The following SIN3B variants were observed in gnomAD, a reference collection of about 807,000 sequenced individuals.
The protein encoded by SIN3B is SIN3 transcription regulator family member B.
SIN3B carries 19 observed loss-of-function variants against 120.2 expected under a neutral mutation model. That is an observed-to-expected ratio of 0.16 (90% CI 0.11 to 0.23). The LOEUF is 0.23. Among genes scored for constraint, SIN3B ranks in the 10% least tolerant of loss-of-function variants. SIN3B has a pLI of 1.00. For synonymous variants in SIN3B, 654 were observed against 653.2 expected (o/e 1.00, Z -0.02); for missense variants, 1,073 against 1,573.0 (o/e 0.68, Z 5.38).
chr19:16,863,043 TCA>T, intron 9 of SIN3B: 1 of 1,210,274 alleles, frequency 8.3e-7, no homozygotes, highest in Non-Finnish European at 1.2e-6. Flanking sequence ...AGTTTTACTG[TCA>T]CACAGACACA....
rs766655246 is a variant in SIN3B, at chr19:16,869,495, C to G, written c.1842C>G (p.Pro614=). 9 of 1,612,722 alleles carry G rather than the reference C, an allele frequency of 5.6e-6. No homozygotes were observed. Among genetic ancestry groups the G allele is most frequent in the Non-Finnish European group, 5.1e-6 (6 of 1,179,348 alleles). The change falls in exon 13 of 19, where the codon CCC becomes CCG. Residue 614 remains proline (P), a synonymous_variant. Transcript: ENST00000248054. The part of the protein sequence containing the change: ...QEQHSEGRSA[P]SSEPHLIFVY... ...AGCACTCGGAGGGCCGCAGTGCCCC[C>G]TCTAGCGAGCCGCACCTCATCTTTG... is the stretch of plus-strand genomic sequence containing the variant.
chr19:16,865,330 G>T, intron 10 of SIN3B, 80 bp from the exon 11 acceptor site: 5 of 743,852 alleles, frequency 6.7e-6, no homozygotes, highest in Non-Finnish European at 6.4e-6. Context: ...AAAATCCTCT[G>T]GTCTCTGAGG....
chr19:16,829,428 A>T lies in SIN3B; in HGVS notation c.8A>T (p.His3Leu). The T allele has an allele frequency of 1.7e-6, 2 of 1,206,076 alleles. No homozygotes were observed. Among genetic ancestry groups the T allele is most frequent in the Non-Finnish European group, 2.1e-6 (2 of 971,344 alleles). 74.7% of individuals were successfully genotyped at this position (1,206,076 alleles called of 1,614,324 possible). MAHAGGGSGGSGA... is the reference protein window; with the variant it reads MALAGGGSGGSGA... ...GCAGCTCCGACTTCGGACATGGCGCACGCTGGCGGTGGCAGCGGTGGCAGC... is the reference window on the plus strand; with the variant it reads ...GCAGCTCCGACTTCGGACATGGCGCTCGCTGGCGGTGGCAGCGGTGGCAGC... Residue 3 changes from histidine to leucine, a missense_variant, in exon 1 of 19, where the codon CAC (histidine) becomes CTC (leucine). This residue lies in a region of SIN3B where 395 missense variants were observed against 528.0 expected (regional missense o/e 0.75). Transcript: ENST00000248054.
At chr19:16,856,246 G>A (rs966359910) in intron 8 of SIN3B, among the ~76,000 whole-genome samples, 9 of 152,214 alleles carry the variant, frequency 5.9e-5, no homozygotes, top group Middle Eastern at 3.4e-3. Context: ...GAGTGTGCGC[G>A]GTAGGAGTAG....
Position 16,876,666 on chromosome 19 carries a change from G to A in SIN3B, c.2859+88G>A, listed in dbSNP as rs1436331615. The A allele has an allele frequency of 3.1e-5, 33 of 1,050,448 alleles. No individual in the cohort carries two copies. In the Middle Eastern group the frequency reaches 1.5e-3, roughly 47 times the overall value. 65.1% of individuals were successfully genotyped at this position (1,050,448 alleles called of 1,614,324 possible). On this transcript the variant is annotated intron_variant, in intron 16 of 18. Transcript: ENST00000248054. The surrounding 1 kb of genome is among the most constrained non-coding windows in gnomAD (Gnocchi z 7.1). ...GGCTCCCACCAGCCAAGCGCAGGCC[G>A]CGCAGCATCCAGAGACCCTCCCTCT...
chr19:16,867,975 C>G (rs146182017), intron 12 of SIN3B, among the ~76,000 whole-genome samples: 112 of 152,318 alleles, frequency 7.4e-4, no homozygotes, highest in Non-Finnish European at 1.2e-3. Flanking sequence ...TCCTGGATCC[C>G]TCCCTGGGGC....
At position 16,851,796 on chromosome 19, in the gene SIN3B, G is replaced by A. The variant is rs951197379; in HGVS notation, c.849+262G>A. ...ACCCTGCCCTAGGTCCCAAGAAACA[G>A]GGTGTACCACCCAGTCTCCTTTTCA... On this transcript the variant is annotated intron_variant, in intron 6 of 18. Coordinates refer to ENST00000248054, the MANE Select transcript of SIN3B (RefSeq NM_001297595.2). Among the ~76,000 whole-genome samples the A allele has an allele frequency of 6.6e-5, 10 of 152,216 alleles. No homozygotes were observed. In the East Asian group the frequency reaches 1.9e-3, roughly 29 times the overall value.
chr19:16,862,253 T>C lies in SIN3B; in HGVS notation c.1059-99T>C. ...TCCATGATGTTGAATTCTGACTCTG[T>C]TTAACTTGTAATGTCCACATGAAGC... is the stretch of plus-strand genomic sequence containing the variant. On this transcript the variant is annotated intron_variant, in intron 8 of 18. Coordinates refer to ENST00000248054, the MANE Select transcript of SIN3B (RefSeq NM_001297595.2). The surrounding 1 kb of genome is among the most constrained non-coding windows in gnomAD (Gnocchi z 4.7). 1.1e-6 allele frequency: 1 copy of C among 913,984 alleles called. No individual in the cohort carries two copies. The highest frequency in any genetic ancestry group is 1.7e-6 in the Non-Finnish European group (1 of 587,368). 56.6% of individuals were successfully genotyped at this position (913,984 alleles called of 1,614,324 possible). A position where few individuals can be genotyped will look rare whatever the true frequency, so the allele number is the denominator to read the frequency against.
rs759610962 is a variant in SIN3B at position 16,841,908 on chromosome 19, C to T, written c.522C>T (p.Thr174=). 1 of 1,614,054 alleles carries T rather than the reference C, an allele frequency of 6.2e-7. No homozygotes were observed. The highest frequency in any genetic ancestry group is 2.2e-5 in the East Asian group (1 of 44,878). The change falls in exon 4 of 19, where the codon ACC becomes ACT. Residue 174 remains threonine (T), a synonymous_variant. Transcript: ENST00000248054. Reference sequence around the variant, plus strand: ...TCAGCTATGTGAATAAGATTAAAACCCGCTTCCTAGACCACCCAGAAATCT... The same window carrying T: ...TCAGCTATGTGAATAAGATTAAAACTCGCTTCCTAGACCACCCAGAAATCT... ...NAISYVNKIK[T]RFLDHPEIYR...
chr19:16,851,032 C>T (rs1026975714), intron 5 of SIN3B, among the ~76,000 whole-genome samples: 1 of 152,242 alleles, frequency 6.6e-6, no homozygotes, highest in Non-Finnish European at 1.5e-5. Flanking sequence ...TTTCTCTGTC[C>T]ACTGCACCTT....
intron 8 of SIN3B, among the ~76,000 whole-genome samples, chr19:16,859,155 AAAAT>A (rs901429991): frequency 6.6e-6 from 1 of 152,086 alleles, no homozygotes; most frequent in Non-Finnish European, 1.5e-5. Flanking sequence ...GTCTCAAAAA[AAAAT>A]AAGGAAGCTG....
intron 13 of SIN3B, among the ~76,000 whole-genome samples, chr19:16,870,639 G>A (rs954809240): frequency 1.3e-5 from 2 of 151,812 alleles, no homozygotes; most frequent in East Asian, 1.9e-4. Flanking sequence ...TGCAGCCTCC[G>A]CCTCCCAGGT....
chr19:16,843,377 C>G (rs1249314558), intron 4 of SIN3B, among the ~76,000 whole-genome samples: 1 of 152,208 alleles, frequency 6.6e-6, no homozygotes, highest in Non-Finnish European at 1.5e-5. Flanking sequence ...AATTTGTGTT[C>G]TGGGAACTCC....
chr19:16,838,963 C>T (rs554859046), intron 3 of SIN3B, among the ~76,000 whole-genome samples: 51 of 130,378 alleles, frequency 3.9e-4, no homozygotes, highest in South Asian at 3.1e-3. Context: ...CCAGCCACCG[C>T]GCCTGGCTTT....
At chr19:16,839,665 C>T (rs1055673413) in intron 3 of SIN3B, among the ~76,000 whole-genome samples, 1 of 152,112 alleles carries the variant, frequency 6.6e-6, no homozygotes. Flanking sequence ...GAGAAACAGA[C>T]GCAGCCCCCT....
In SIN3B at chr19:16,878,728, C is replaced by T. The variant is rs767840527; in HGVS notation, c.*1C>T. On this transcript the variant is annotated 3_prime_UTR_variant, in exon 19 of 19. Coordinates refer to ENST00000248054, the MANE Select transcript of SIN3B (RefSeq NM_001297595.2). ...CAGCCGCCGCCCGGCCTCGCCCTGACCCGCCCTCATGGGCACCGGGCAGGC... is the reference window on the plus strand; with the variant it reads ...CAGCCGCCGCCCGGCCTCGCCCTGATCCGCCCTCATGGGCACCGGGCAGGC... 53 of 1,594,134 alleles carry T rather than the reference C, an allele frequency of 3.3e-5. No homozygotes were observed. The highest frequency in any genetic ancestry group is 1.5e-4 in the Admixed American group (9 of 58,192).
chr19:16,857,514 AAT>A (rs1491091073), intron 8 of SIN3B, among the ~76,000 whole-genome samples: 15 of 68,556 alleles, frequency 2.2e-4, no homozygotes, highest in South Asian at 1.5e-3. Flanking sequence ...ACTTAAAAAA[AAT>A]ATGTGTGTGT....
chr19:16,854,527 T>C (rs1461645645), intron 8 of SIN3B: 2 of 379,636 alleles, frequency 5.3e-6, no homozygotes, highest in African/African-American at 2.1e-5. Flanking sequence ...TAATGCCTTT[T>C]CATTTAACAC....
intron 2 of SIN3B, among the ~76,000 whole-genome samples, chr19:16,830,293 C>A (rs1365111892): frequency 6.6e-6 from 1 of 152,140 alleles, no homozygotes; most frequent in African/African-American, 2.4e-5. Flanking sequence ...ATTTTTGGCA[C>A]CCTCTTCCCC....
Sources: gnomAD v4.1 joint callset for allele counts (sites outside exome capture counted in the v4.1 genomes callset) on GRCh38, gnomAD v4.1.1 for gene constraint, gnomAD v4.1.1 regional missense constraint, Gnocchi (gnomAD v3.1) non-coding constraint, MANE v1.5 for transcripts, NCBI Gene and HGNC (gene_info 2026-07-23, HGNC 2026-07-21) for gene names.